The following DNAH6 variants were observed in gnomAD, a reference collection of about 807,000 sequenced individuals.
DNAH6 encodes the protein dynein axonemal heavy chain 6, also known as axonemal beta dynein heavy chain 6.
DNAH6 carries 340 observed loss-of-function variants against 491.4 expected under a neutral mutation model. The observed-to-expected ratio is 0.69, with a 90% confidence interval of 0.63 to 0.76. DNAH6 has a LOEUF of 0.76. DNAH6 is among the 30% of genes least tolerant of loss of function. The pLI, the probability that DNAH6 is intolerant of heterozygous loss-of-function variation, is 0.00. For synonymous variants in DNAH6, 1,603 were observed against 1,686.1 expected (o/e 0.95, Z 1.21); for missense variants, 4,443 against 4,972.2 (o/e 0.89, Z 3.20).
intron 22 of DNAH6, among the ~76,000 whole-genome samples, chr2:84,614,203 A>G (rs546003090): frequency 1.3e-4 from 19 of 151,790 alleles, no homozygotes; most frequent in Non-Finnish European, 2.6e-4. Context: ...CCTTTCCCCC[A>G]CTTGCCTAAG....
the DNAH6 span, among the ~76,000 whole-genome samples, chr2:84,467,802 A>G: frequency 6.6e-6 from 1 of 152,312 alleles, no homozygotes; most frequent in South Asian, 2.1e-4. Flanking sequence ...TTGTGTAGCT[A>G]GGGGACATGG....
intron 37 of DNAH6, among the ~76,000 whole-genome samples, chr2:84,667,488 A>G (rs953509526): frequency 2.0e-5 from 3 of 152,242 alleles, no homozygotes; most frequent in Admixed American, 6.5e-5. Flanking sequence ...CAGCCAACAG[A>G]CACATGAAAA....
chr2:84,759,910 A>C (rs2105119623), intron 63 of DNAH6, among the ~76,000 whole-genome samples: 1 of 152,324 alleles, frequency 6.6e-6, no homozygotes, highest in Middle Eastern at 3.4e-3. Context: ...TGCTGACATC[A>C]AATTATATTA....
At chr2:84,578,359 A>G (rs1328719208) in intron 13 of DNAH6, among the ~76,000 whole-genome samples, 1 of 152,204 alleles carries the variant, frequency 6.6e-6, no homozygotes, top group Non-Finnish European at 1.5e-5. Flanking sequence ...TATGCTCAAG[A>G]AATACTTGGA....
intron 16 of DNAH6, among the ~76,000 whole-genome samples, chr2:84,591,301 C>T (rs1050928660): frequency 6.6e-6 from 1 of 152,058 alleles, no homozygotes; most frequent in South Asian, 2.1e-4. Flanking sequence ...TTTCTATATA[C>T]TAACAACAAA....
intron 56 of DNAH6, among the ~76,000 whole-genome samples, chr2:84,711,381 GAGTTGAGTCTC>G (rs1479088858): frequency 6.6e-6 from 1 of 152,208 alleles, no homozygotes; most frequent in Non-Finnish European, 1.5e-5. Flanking sequence ...CATGGACTGT[GAGTTGAGTCTC>G]AGTTTAACCG....
At chr2:84,555,438 A>G (rs1052324552) in intron 10 of DNAH6, among the ~76,000 whole-genome samples, 4 of 152,048 alleles carry the variant, frequency 2.6e-5, no homozygotes, top group African/African-American at 9.7e-5. Context: ...CATCTTTCCA[A>G]GAGCCTCTTT....
intron 26 of DNAH6, among the ~76,000 whole-genome samples, chr2:84,622,806 G>A (rs1416496708): frequency 6.6e-6 from 1 of 151,940 alleles, no homozygotes; most frequent in Non-Finnish European, 1.5e-5. Context: ...AGAATACCAG[G>A]GTTCTCTTTT....
Position 84,594,033 on chromosome 2 carries a change from T to C in DNAH6, c.2672T>C (p.Leu891Ser). The C allele has an allele frequency of 1.0e-5, 16 of 1,551,050 alleles. No homozygotes were observed. Among genetic ancestry groups the C allele is most frequent in the Non-Finnish European group, 1.4e-5 (16 of 1,146,544 alleles). ...EVSAELKLKQ[L>S]LWDSFSEWDK... ...AGTGCTGAACTGAAGCTCAAACAAT[T>C]GCTCTGGGATTCTTTCTCTGAATGG... is the stretch of plus-strand genomic sequence containing the variant. Residue 891 changes from leucine (L) to serine (S), a missense_variant, in exon 17 of 77, where the codon TTG becomes TCG. Around this residue, in one of 3 missense-constraint regions of DNAH6, gnomAD observed 2,977 missense variants for 3,296.6 expected, o/e 0.90. Transcript: ENST00000389394.
In DNAH6 at chr2:84,654,029, G is replaced by GTA. The variant is rs1690713292; in HGVS notation, c.5634+155_5634+156insTA. On this transcript the variant is annotated intron_variant, in intron 34 of 76. Coordinates refer to ENST00000389394, the MANE Select transcript of DNAH6 (RefSeq NM_001370.2). ...TTAAGTCATCCTTTTGTAATAGATT[G>GTA]ACAGTCAAAGTCTCAAATGTTCTTG... Among the ~76,000 whole-genome samples, 10 of 151,978 alleles carry GTA rather than the reference G, an allele frequency of 6.6e-5. No homozygotes were observed. In the South Asian group the frequency reaches 2.1e-3, roughly 32 times the overall value.
At position 84,681,356 on chromosome 2, in the gene DNAH6, G is replaced by T. The variant is rs1327710761; in HGVS notation, c.6745-1G>T. ...CTCTCATATTATGTTTCTGGTTCTA[G>T]GCCATCTTAAATGGTTTCCTGAGTG... On this transcript the variant is annotated splice_acceptor_variant, in intron 41 of 76. Coordinates refer to ENST00000389394, the MANE Select transcript of DNAH6 (RefSeq NM_001370.2). LOFTEE classifies it high-confidence loss of function. 6.5e-7 allele frequency: 1 copy of T among 1,537,400 alleles called. No homozygotes were observed. Among genetic ancestry groups the T allele is most frequent in the Non-Finnish European group, 8.8e-7 (1 of 1,140,400 alleles).
At chr2:84,797,819 T>C in intron 70 of DNAH6, 161 bp downstream of exon 70, 1 of 700,488 alleles carries the variant, frequency 1.4e-6, no homozygotes, top group African/African-American at 1.8e-5. Context: ...ATTTAGCCTG[T>C]TACCTCTGGG....
chr2:84,579,969 G>A (rs1227324739), intron 14 of DNAH6, among the ~76,000 whole-genome samples: 1 of 152,166 alleles, frequency 6.6e-6, no homozygotes, highest in African/African-American at 2.4e-5. Context: ...TAAGGAAACA[G>A]AAACCAAAAC....
intron 63 of DNAH6, 51 bp downstream of exon 63, chr2:84,745,300 G>A (rs1672859004): frequency 2.4e-6 from 3 of 1,253,448 alleles, no homozygotes; most frequent in Admixed American, 6.7e-5. Flanking sequence ...TTCTACTAAA[G>A]CTCACTAGCC....
chr2:84,750,101 T>C (rs1373169327), intron 63 of DNAH6, among the ~76,000 whole-genome samples: 1 of 152,028 alleles, frequency 6.6e-6, no homozygotes, highest in East Asian at 1.9e-4. Context: ...ATGTGAACAC[T>C]ACATATTTGA....
chr2:84,716,437 A>G (rs1697546538), intron 58 of DNAH6, among the ~76,000 whole-genome samples: 1 of 152,070 alleles, frequency 6.6e-6, no homozygotes, highest in Non-Finnish European at 1.5e-5. Flanking sequence ...AAAGAAACAT[A>G]ATTTAGACCC....
At chr2:84,746,624 C>T (rs1198560100) in intron 63 of DNAH6, among the ~76,000 whole-genome samples, 1 of 152,108 alleles carries the variant, frequency 6.6e-6, no homozygotes, top group Non-Finnish European at 1.5e-5. Flanking sequence ...GGAGAAAAAA[C>T]TAACTGGAAA....
the DNAH6 span, among the ~76,000 whole-genome samples, chr2:84,464,982 G>C: frequency 1.3e-5 from 2 of 152,042 alleles, no homozygotes; most frequent in Admixed American, 1.3e-4. Flanking sequence ...CCTTTTATAA[G>C]AGAACCCTTA....
intron 51 of DNAH6, 85 bp from the exon 52 acceptor site, chr2:84,705,401 A>T (rs1184879377): frequency 2.4e-6 from 3 of 1,248,614 alleles, no homozygotes; most frequent in Non-Finnish European, 3.2e-6. Context: ...TTGGGATAAT[A>T]TCATAATGTT....
Sources: allele counts gnomAD v4.1 joint callset (sites outside exome capture counted in the v4.1 genomes callset), GRCh38; gene constraint gnomAD v4.1.1; regional missense constraint gnomAD v4.1.1; transcripts MANE v1.5; gene names NCBI Gene and HGNC (gene_info 2026-07-23, HGNC 2026-07-21).